The following C3 variants were observed in gnomAD, a reference collection of about 807,000 sequenced individuals.
The protein encoded by C3 is complement C3.
C3 carries 97 observed loss-of-function variants against 207.9 expected under a neutral mutation model. That is an observed-to-expected ratio of 0.47 (90% CI 0.40 to 0.55). C3 has a LOEUF of 0.55. Among genes scored for constraint, C3 ranks in the 20% least tolerant of loss-of-function variants. The probability of loss-of-function intolerance (pLI) is 0.00; values close to 1 mark genes in which losing one functional copy is unlikely to be tolerated. For synonymous variants in C3, 848 were observed against 857.6 expected, an observed-to-expected ratio of 0.99 and a Z score of 0.20; for missense variants, 1,684 against 2,171.7, an observed-to-expected ratio of 0.78 and a Z score of 4.46.
At position 6,709,834 on chromosome 19, in the gene C3, T is replaced by A; in HGVS notation, c.1695A>T (p.Val565=). Reference sequence around the variant, plus strand: ...GCCGGTCTTCTGACTGGCCGCTTTTTACCACCAGCTGTGGGGAGGGTGGAG... The same window carrying A: ...GCCGGTCTTCTGACTGGCCGCTTTTAACCACCAGCTGTGGGGAGGGTGGAG... ...VKDSCVGSLV[V]KSGQSEDRQP... is the part of the protein sequence containing the mutation. The change falls in exon 14 of 41, where the codon GTA becomes GTT. Residue 565 remains valine, a synonymous_variant. Transcript: ENST00000245907. 3 of 1,613,852 alleles carry A rather than the reference T, an allele frequency of 1.9e-6. No homozygotes were observed. The South Asian group carries it at 3.3e-5, about 18-fold the overall frequency.
intron 23 of C3, 123 bp downstream of exon 23, chr19:6,696,256 G>A (rs1444776976): frequency 2.8e-5 from 19 of 683,906 alleles, no homozygotes; most frequent in South Asian, 1.4e-4. Context: ...ACAGATCACA[G>A]ATGGGCTGTT....
chr19:6,692,247 C>T (rs1035467252), intron 26 of C3, among the ~76,000 whole-genome samples: 1 of 152,206 alleles, frequency 6.6e-6, no homozygotes, highest in Non-Finnish European at 1.5e-5. Flanking sequence ...GGATTACAGG[C>T]ATGGGCCGTC....
At position 6,698,739 on chromosome 19, in the gene C3, A is replaced by G. The variant is rs149699739; in HGVS notation, c.2441-945T>C. On this transcript the variant is annotated intron_variant, in intron 19 of 40. Transcript: ENST00000245907. ...CCAAACCCAATGAAACAAAACAAAC[A>G]ACTGATGCTCATTTTAAATATATGA... 2.0e-5 allele frequency among the ~76,000 whole-genome samples: 3 copies of G among 152,254 alleles called. No homozygotes were observed. The East Asian group carries it at 5.8e-4, about 29-fold the overall frequency.
intron 19 of C3, 70 bp from the exon 20 acceptor site, chr19:6,697,864 A>C: frequency 1.3e-6 from 2 of 1,504,552 alleles, no homozygotes; most frequent in Non-Finnish European, 1.8e-6. Context: ...CCTGGGTCTC[A>C]GCTCTTAGTC....
chr19:6,680,294 G>A (rs934915652), intron 35 of C3, 31 bp from the exon 36 acceptor site: 1 of 1,192,052 alleles, frequency 8.4e-7, no homozygotes. Flanking sequence ...TGGTCAGTGG[G>A]GTGATGTGGG....
Position 6,703,013 on chromosome 19 carries a change from G to A in C3, c.2246-434C>T, listed in dbSNP as rs114047385. ...CACACGACTACACTCCAGCCCAGGC[G>A]ACAGAGACAGACTCCATCTGAAAAC... On this transcript the variant is annotated intron_variant, in intron 17 of 40. Coordinates refer to ENST00000245907, the MANE Select transcript of C3 (RefSeq NM_000064.4). The A allele has an allele frequency of 8.6e-3, 1,710 of 197,890 alleles. 32 individuals carry two copies. The highest frequency in any genetic ancestry group is 0.038 in the African/African-American group (1,625 of 42,844). The allele number at this position is 197,890 out of a possible 1,614,324, so 12.3% of individuals were successfully genotyped here.
chr19:6,697,303 T>A (rs1967559216), intron 21 of C3, 41 bp downstream of exon 21: 4 of 1,472,464 alleles, frequency 2.7e-6, no homozygotes, highest in Non-Finnish European at 3.8e-6. Context: ...CCAGGAGCCC[T>A]CTCTGAAGGA....
chr19:6,693,375 G>T, intron 25 of C3, 37 bp downstream of exon 25: 2 of 1,575,852 alleles, frequency 1.3e-6, no homozygotes, highest in Non-Finnish European at 8.6e-7. Context: ...TTGAGGGTGG[G>T]GAGTATGCAT....
Position 6,685,094 on chromosome 19 carries a change from T to G in C3, c.3863A>C (p.Asp1288Ala). The change falls in exon 30 of 41, where the codon GAC becomes GCC. Residue 1288 changes from aspartate to alanine, a missense_variant. Physicochemically the swap from Asp to Ala is moderately radical, Grantham distance 126 (BLOSUM62 -2). Coordinates refer to ENST00000245907, the MANE Select transcript of C3 (RefSeq NM_000064.4). ...CACATCAAGGTTCAGTTCCTGGTGGTCAGGGGCGTCCTTTTGGTATTGAGC... is the reference window on the plus strand; with the variant it reads ...CACATCAAGGTTCAGTTCCTGGTGGGCAGGGGCGTCCTTTTGGTATTGAGC... ...ALAQYQKDAP[D>A]HQELNLDVSL... 6.2e-7 allele frequency: 1 copy of G among 1,613,942 alleles called. No homozygotes were observed. The highest frequency in any genetic ancestry group is 1.1e-5 in the South Asian group (1 of 91,062).
chr19:6,692,032 A>ACT (rs918257748), intron 26 of C3, among the ~76,000 whole-genome samples: 1 of 146,676 alleles, frequency 6.8e-6, no homozygotes, highest in African/African-American at 2.6e-5. Context: ...ACACACACAC[A>ACT]CACTCACACC....
At position 6,713,986 on chromosome 19, in the gene C3, C is replaced by T; in HGVS notation, c.773+6G>A. ...CTCTTACCTGGCCCCACCCCCAGTC[C>T]CTCACCTGGCGGTGATGGTGACCTC... On this transcript the variant is annotated splice_donor_region_variant and intron_variant, in intron 7 of 40. Transcript: ENST00000245907. 6.3e-7 allele frequency: 1 copy of T among 1,598,170 alleles called. No homozygotes were observed. The highest frequency in any genetic ancestry group is 8.5e-7 in the Non-Finnish European group (1 of 1,170,518).
intron 2 of C3, 79 bp from the exon 3 acceptor site, chr19:6,718,491 G>T: frequency 6.5e-7 from 1 of 1,544,150 alleles, no homozygotes; most frequent in Non-Finnish European, 8.9e-7. Flanking sequence ...CTTGGGCTGG[G>T]TCCCTCCTTG....
In C3 at chr19:6,684,454, G is replaced by C. The variant is rs762035587; in HGVS notation, c.4121-15C>G. 6.2e-7 allele frequency: 1 copy of C among 1,609,234 alleles called. No individual in the cohort carries two copies. Among genetic ancestry groups the C allele is most frequent in the African/African-American group, 1.3e-5 (1 of 74,800 alleles). On this transcript the variant is annotated splice_polypyrimidine_tract_variant and intron_variant, in intron 32 of 40. Coordinates refer to ENST00000245907, the MANE Select transcript of C3 (RefSeq NM_000064.4). ...AGGCCTCTTTTCTAGAAACACAGAA[G>C]AGAGAAAGATGGGAGAGGGTATACC...
Position 6,719,952 on chromosome 19 carries a change from C to T in C3, c.75-549G>A, listed in dbSNP as rs190601185. Among the ~76,000 whole-genome samples, 1 of 152,204 alleles carries T rather than the reference C, an allele frequency of 6.6e-6. No homozygotes were observed. Among genetic ancestry groups the T allele is most frequent in the Non-Finnish European group, 1.5e-5 (1 of 68,010 alleles). On this transcript the variant is annotated intron_variant, in intron 1 of 40. Coordinates refer to ENST00000245907, the MANE Select transcript of C3 (RefSeq NM_000064.4). The surrounding 1 kb of genome is among the most constrained non-coding windows in gnomAD (Gnocchi z 5.4). Reference sequence around the variant, plus strand: ...ATAAATACAATCAATTCCAAATGCCCCAACTATACATGAACCCGAAGTAGC... The same window carrying T: ...ATAAATACAATCAATTCCAAATGCCTCAACTATACATGAACCCGAAGTAGC...
intron 27 of C3, among the ~76,000 whole-genome samples, chr19:6,687,432 A>G (rs1347499378): frequency 1.3e-5 from 2 of 152,198 alleles, no homozygotes; most frequent in African/African-American, 2.4e-5. Flanking sequence ...ATACCCACAC[A>G]TTTAATCTCA....
chr19:6,701,108 C>G (rs1025891053), intron 19 of C3, among the ~76,000 whole-genome samples: 1 of 152,042 alleles, frequency 6.6e-6, no homozygotes, highest in Non-Finnish European at 1.5e-5. Context: ...GCGAAAAGGA[C>G]GATGGCTACT....
chr19:6,719,415 G>C lies in C3; in HGVS notation c.75-12C>G, dbSNP rs1968119100. On this transcript the variant is annotated splice_polypyrimidine_tract_variant and intron_variant, in intron 1 of 40. Coordinates refer to ENST00000245907, the MANE Select transcript of C3 (RefSeq NM_000064.4). The surrounding 1 kb of genome is among the most constrained non-coding windows in gnomAD (Gnocchi z 5.4). ...TGATGATAGAGTACCTGTCGGAGTG[G>C]GGCACGGGAGTGGGCTTGTCATTCC... The C allele has an allele frequency of 6.2e-7, 1 of 1,612,872 alleles. No homozygotes were observed. Among genetic ancestry groups the C allele is most frequent in the Admixed American group, 1.7e-5 (1 of 59,992 alleles).
intron 17 of C3, among the ~76,000 whole-genome samples, chr19:6,706,831 C>T (rs1354174699): frequency 1.4e-5 from 2 of 146,598 alleles, no homozygotes; most frequent in Admixed American, 1.3e-4. Flanking sequence ...CCCTCAAGGC[C>T]TCCTCCCTCC....
chr19:6,711,061 C>G lies in C3; in HGVS notation c.1405G>C (p.Glu469Gln). 1 of 1,614,110 alleles carries G rather than the reference C, an allele frequency of 6.2e-7. No homozygotes were observed. Among genetic ancestry groups the G allele is most frequent in the Non-Finnish European group, 8.5e-7 (1 of 1,179,994 alleles). The change falls in exon 12 of 41, where the codon GAG becomes CAG. Residue 469 changes from glutamate (E) to glutamine (Q), a missense_variant. By Grantham distance (29) the Glu-to-Gln change is conservative. Around this residue, in one of 3 missense-constraint regions of C3, gnomAD observed 1,280 missense variants for 1,739.1 expected, o/e 0.74. Coordinates refer to ENST00000245907, the MANE Select transcript of C3 (RefSeq NM_000064.4). ...SVLRTELRPG[E>Q]TLNVNFLLRM... ...AGGAGGAAGTTGACGTTGAGGGTCT[C>G]CCCGGGTCTGAGCTCTGTACGTAGC...
Sources: gnomAD v4.1 joint callset for allele counts (sites outside exome capture counted in the v4.1 genomes callset) on GRCh38, gnomAD v4.1.1 for gene constraint, gnomAD v4.1.1 regional missense constraint, Gnocchi (gnomAD v3.1) non-coding constraint, MANE v1.5 for transcripts, NCBI Gene and HGNC (gene_info 2026-07-23, HGNC 2026-07-21) for gene names.